CPQ: variants seen among roughly 807,000 people sequenced by gnomAD.
The protein encoded by CPQ is Ser-Met dipeptidase.
CPQ carries 37 observed loss-of-function variants against 45.7 expected under a neutral mutation model. The observed-to-expected ratio is 0.81, with a 90% CI of 0.62 to 1.07. The LOEUF (loss-of-function observed/expected upper bound fraction) is 1.07. Ranked by LOEUF, CPQ falls within the 50% of genes least tolerant of loss-of-function variation. The pLI, the probability that CPQ is intolerant of heterozygous loss-of-function variation, is 0.00. For synonymous variants in CPQ, 186 were observed against 205.8 expected (o/e 0.90, Z 0.82); for missense variants, 537 against 572.9 (o/e 0.94, Z 0.64).
chr8:96,816,116 G>A (rs1477462804), intron 2 of CPQ, among the ~76,000 whole-genome samples: 3 of 152,132 alleles, frequency 2.0e-5, no homozygotes, highest in Admixed American at 6.6e-5. Flanking sequence ...GTATGTGATG[G>A]TGTTTGGTAG....
chr8:97,105,109 G>T (rs759570085), intron 7 of CPQ, among the ~76,000 whole-genome samples: 6 of 152,200 alleles, frequency 3.9e-5, no homozygotes, highest in Non-Finnish European at 7.3e-5. Flanking sequence ...GTGCCTTCTT[G>T]ATTAGCATGC....
At chr8:96,872,056 T>A (rs185913246) in intron 3 of CPQ, among the ~76,000 whole-genome samples, 4 of 152,016 alleles carry the variant, frequency 2.6e-5, no homozygotes, top group Admixed American at 1.3e-4. Context: ...CCAGCATTGG[T>A]TATACAGATT....
chr8:97,046,042 G>A lies in CPQ; in HGVS notation c.1053+16548G>A, dbSNP rs554639386. Among the ~76,000 whole-genome samples the A allele has an allele frequency of 6.3e-4, 96 of 152,298 alleles. 1 individual carries two copies. Among genetic ancestry groups the A allele is most frequent in the Admixed American group, 6.2e-3 (95 of 15,298 alleles). ...TTGTGAGTGCAAAGTGAGCACTTTT[G>A]TCTTTCTTTCTGCTACTCATCTTAC... On this transcript the variant is annotated intron_variant, in intron 6 of 7. Transcript: ENST00000220763.
chr8:96,738,231 A>C (rs932663643), intron 1 of CPQ, among the ~76,000 whole-genome samples: 5 of 151,810 alleles, frequency 3.3e-5, no homozygotes, highest in African/African-American at 1.2e-4. Flanking sequence ...CATTAAATTA[A>C]CCTTGTGCTG....
intron 2 of CPQ, among the ~76,000 whole-genome samples, chr8:96,792,929 C>T (rs907614130): frequency 2.6e-5 from 4 of 151,964 alleles, no homozygotes; most frequent in Non-Finnish European, 5.9e-5. Flanking sequence ...CTTCACAGGG[C>T]GGAAGGAGAG....
chr8:96,870,156 T>TTA (rs1237135861), intron 3 of CPQ, among the ~76,000 whole-genome samples: 1 of 125,288 alleles, frequency 8.0e-6, no homozygotes, highest in Non-Finnish European at 1.8e-5. Context: ...GTACAGTGCT[T>TTA]TATATATATA....
intron 1 of CPQ, among the ~76,000 whole-genome samples, chr8:96,743,242 A>G (rs1375357524): frequency 6.6e-6 from 1 of 151,816 alleles, no homozygotes; most frequent in African/African-American, 2.4e-5. Context: ...TCCATCGTTG[A>G]TACCCTTTCT....
At position 96,899,553 on chromosome 8, in the gene CPQ, A is replaced by G. The variant is rs868043021; in HGVS notation, c.849+19548A>G. On this transcript the variant is annotated intron_variant, in intron 4 of 7. Coordinates refer to ENST00000220763, the MANE Select transcript of CPQ (RefSeq NM_016134.4). ...ACTTAGGAAGCTTACAATCATGGTG[A>G]AGGTGAAGGAGAAGCAGGCAACTCA... Among the ~76,000 whole-genome samples, 5 of 152,188 alleles carry G rather than the reference A, an allele frequency of 3.3e-5. No individual in the cohort carries two copies. In the South Asian group the frequency reaches 1.0e-3, roughly 32 times the overall value.
intron 4 of CPQ, among the ~76,000 whole-genome samples, chr8:96,904,399 G>GTTGTT (rs1161187717): frequency 1.3e-5 from 2 of 152,170 alleles, no homozygotes; most frequent in African/African-American, 2.4e-5. Flanking sequence ...TGTTTACATT[G>GTTGTT]TTGTTTTGTT....
At chr8:96,707,688 AATGATT>A (rs991470199) in intron 1 of CPQ, among the ~76,000 whole-genome samples, 1 of 151,062 alleles carries the variant, frequency 6.6e-6, no homozygotes, top group African/African-American at 2.4e-5. Context: ...TGAATGAATG[AATGATT>A]TTTTTTTTTG....
At chr8:96,775,161 G>A (rs1479755938) in intron 1 of CPQ, among the ~76,000 whole-genome samples, 1 of 152,120 alleles carries the variant, frequency 6.6e-6, no homozygotes, top group African/African-American at 2.4e-5. Flanking sequence ...TTGGCTGGAA[G>A]AGCGGGAAGA....
intron 6 of CPQ, among the ~76,000 whole-genome samples, chr8:97,045,531 T>A (rs1810236353): frequency 6.6e-6 from 1 of 152,226 alleles, no homozygotes; most frequent in Admixed American, 6.5e-5. Context: ...CCTAGTGAGA[T>A]GAACCTGGTA....
intron 5 of CPQ, among the ~76,000 whole-genome samples, chr8:96,968,359 C>CTTTAA (rs1336846112): frequency 6.6e-6 from 1 of 152,142 alleles, no homozygotes; most frequent in Admixed American, 6.6e-5. Flanking sequence ...GAGTCTTACT[C>CTTTAA]TTTAATTTTG....
chr8:97,111,274 T>A (rs1811494168), intron 7 of CPQ, among the ~76,000 whole-genome samples: 1 of 152,168 alleles, frequency 6.6e-6, no homozygotes, highest in South Asian at 2.1e-4. Flanking sequence ...GAAGCTGTCT[T>A]CAAGGCCTGG....
intron 1 of CPQ, among the ~76,000 whole-genome samples, chr8:96,731,385 C>G (rs551449110): frequency 6.6e-6 from 1 of 152,260 alleles, no homozygotes. Context: ...TCAGGTCTGT[C>G]CTGGGATGGG....
At chr8:96,749,165 C>G (rs973915796) in intron 1 of CPQ, among the ~76,000 whole-genome samples, 2 of 152,084 alleles carry the variant, frequency 1.3e-5, no homozygotes, top group Non-Finnish European at 2.9e-5. Context: ...AAATGAATGT[C>G]TTGTTTTGAC....
At chr8:96,712,650 G>T (rs1809626626) in intron 1 of CPQ, among the ~76,000 whole-genome samples, 1 of 152,224 alleles carries the variant, frequency 6.6e-6, no homozygotes, top group South Asian at 2.1e-4. Flanking sequence ...AGCTGAAGCA[G>T]CTGGGATGCA....
chr8:97,124,948 G>GA, intron 7 of CPQ, among the ~76,000 whole-genome samples: 1 of 151,882 alleles, frequency 6.6e-6, no homozygotes, highest in Non-Finnish European at 1.5e-5. Context: ...AAATAATAGA[G>GA]AAAATCAATG....
intron 3 of CPQ, among the ~76,000 whole-genome samples, chr8:96,843,417 G>A (rs1811642977): frequency 1.3e-5 from 2 of 151,868 alleles, no homozygotes; most frequent in Admixed American, 1.3e-4. Context: ...AGGAAGGAAG[G>A]AAGAAGAAAG....
Sources: allele counts gnomAD v4.1 joint callset (sites outside exome capture counted in the v4.1 genomes callset), GRCh38; gene constraint gnomAD v4.1.1; transcripts MANE v1.5; gene names NCBI Gene and HGNC (gene_info 2026-07-23, HGNC 2026-07-21).